Variants in INO80D observed in about 807,000 individuals in gnomAD.
INO80D encodes INO80 complex subunit D.
INO80D carries 21 observed loss-of-function variants against 87.6 expected under a neutral mutation model. The ratio of observed to expected loss-of-function variants is 0.24; its 90% CI spans 0.17 to 0.35. The LOEUF is 0.35. Among genes scored for constraint, INO80D ranks in the 10% least tolerant of loss-of-function variants. The pLI, the probability that INO80D is intolerant of heterozygous loss-of-function variation, is 1.00. For synonymous variants in INO80D, 440 were observed against 491.0 expected, an observed-to-expected ratio of 0.90 and a Z score of 1.37; for missense variants, 982 against 1,280.7, an observed-to-expected ratio of 0.77 and a Z score of 3.56.
intron 4 of INO80D, among the ~76,000 whole-genome samples, chr2:206,055,299 A>G (rs1689484484): frequency 6.6e-6 from 1 of 152,248 alleles, no homozygotes; most frequent in Admixed American, 6.5e-5. Context: ...AACATAGAAT[A>G]TCTGTATAAA....
chr2:206,017,235 T>C (rs947577178), intron 8 of INO80D, among the ~76,000 whole-genome samples: 2 of 152,224 alleles, frequency 1.3e-5, no homozygotes, highest in African/African-American at 2.4e-5. Flanking sequence ...AACTGCTTGA[T>C]GGATGAAAAC....
At chr2:206,048,515 G>C (rs1173757882) in intron 4 of INO80D, among the ~76,000 whole-genome samples, 1 of 152,148 alleles carries the variant, frequency 6.6e-6, no homozygotes, top group Non-Finnish European at 1.5e-5. Flanking sequence ...TTACATGCAT[G>C]AGCCACTGTG....
At chr2:206,083,755 T>C (rs1025493041) in intron 1 of INO80D, among the ~76,000 whole-genome samples, 2 of 147,576 alleles carry the variant, frequency 1.4e-5, no homozygotes, top group Admixed American at 1.4e-4. Context: ...ACAACAGTGC[T>C]GGGGGTACTG....
intron 1 of INO80D, among the ~76,000 whole-genome samples, chr2:206,079,031 C>T (rs1477039092): frequency 6.6e-6 from 1 of 151,816 alleles, no homozygotes; most frequent in African/African-American, 2.4e-5. Flanking sequence ...AATCAGAAAC[C>T]ATCACAAAAA....
rs1031015664 is a variant in INO80D at position 205,997,930 on chromosome 2, T to C, written c.*6438A>G. 41 of 152,190 alleles carry C rather than the reference T, an allele frequency of 2.7e-4. No homozygotes were observed. Among genetic ancestry groups the C allele is most frequent in the Admixed American group, 2.6e-3 (39 of 15,280 alleles). The allele number at this position is 152,190 out of a possible 1,614,324, so 9.4% of individuals were successfully genotyped here. A position where few individuals can be genotyped will look rare whatever the true frequency, so the allele number is the denominator to read the frequency against. On this transcript the variant is annotated 3_prime_UTR_variant, in exon 11 of 11. Transcript: ENST00000403263. Reference sequence around the variant, plus strand: ...ATATCTCTCACACACGTGCCCCCAATGTATATTTTTGCATGTGTGTAAAAA... The same window carrying C: ...ATATCTCTCACACACGTGCCCCCAACGTATATTTTTGCATGTGTGTAAAAA...
intron 8 of INO80D, among the ~76,000 whole-genome samples, chr2:206,011,195 G>A (rs528382329): frequency 9.2e-4 from 140 of 152,198 alleles, no homozygotes; most frequent in African/African-American, 3.2e-3. Context: ...ATGCGCAAGG[G>A]CCAGTACCCG....
chr2:206,030,291 T>C (rs1224267492), intron 5 of INO80D, among the ~76,000 whole-genome samples: 1 of 152,080 alleles, frequency 6.6e-6, no homozygotes, highest in East Asian at 1.9e-4. Context: ...CGCAAAACCC[T>C]GTCTCTACTA....
chr2:206,036,343 G>A (rs1268650583), intron 5 of INO80D, among the ~76,000 whole-genome samples: 2 of 152,136 alleles, frequency 1.3e-5, no homozygotes, highest in Non-Finnish European at 1.5e-5. Flanking sequence ...CAACCCAAAT[G>A]CCCATCAGTC....
At chr2:206,030,608 G>A (rs1688737224) in intron 5 of INO80D, among the ~76,000 whole-genome samples, 1 of 152,154 alleles carries the variant, frequency 6.6e-6, no homozygotes, top group Non-Finnish European at 1.5e-5. Context: ...ATGGTGAACA[G>A]CAAGAATGTA....
At chr2:206,025,884 A>G (rs1688602639) in intron 6 of INO80D, among the ~76,000 whole-genome samples, 1 of 151,904 alleles carries the variant, frequency 6.6e-6, no homozygotes, top group Non-Finnish European at 1.5e-5. Flanking sequence ...TATTTCCTTA[A>G]AGTAAGATAA....
In INO80D at chr2:206,062,984, C is replaced by T. The variant is rs371097185; in HGVS notation, c.33G>A (p.Glu11=). 1.9e-5 allele frequency: 30 copies of T among 1,612,680 alleles called. No individual in the cohort carries two copies. The African/African-American group carries it at 3.2e-4, about 17-fold the overall frequency. Residue 11 remains glutamate (E), a synonymous_variant, in exon 3 of 11, where the codon GAG becomes GAA. Coordinates refer to ENST00000403263, the MANE Select transcript of INO80D (RefSeq NM_017759.5). The surrounding 1 kb of genome is among the most constrained non-coding windows in gnomAD (Gnocchi z 4.6). ...ATGAGCACAAGGGCTTATTGTCAACCTCAGAGAAGTGTATATGTTTCCCTT... is the reference window on the plus strand; with the variant it reads ...ATGAGCACAAGGGCTTATTGTCAACTTCAGAGAAGTGTATATGTTTCCCTT... The part of the protein sequence containing the change: MYEGKHIHFS[E]VDNKPLCSYS...
chr2:206,079,933 T>G (rs1433449725), intron 1 of INO80D, among the ~76,000 whole-genome samples: 1 of 152,192 alleles, frequency 6.6e-6, no homozygotes, highest in African/African-American at 2.4e-5. Context: ...AGGTCACACC[T>G]TATGGAATGC....
In INO80D at chr2:205,995,049, C is replaced by T. The variant is rs546957180; in HGVS notation, c.*9319G>A. Reference sequence around the variant, plus strand: ...TTCCCTGCAGCATGGGAGTAGTTAACTTCCCCCAGGCAAAATGATCTCAAT... The same window carrying T: ...TTCCCTGCAGCATGGGAGTAGTTAATTTCCCCCAGGCAAAATGATCTCAAT... On this transcript the variant is annotated 3_prime_UTR_variant, in exon 11 of 11. Coordinates refer to ENST00000403263, the MANE Select transcript of INO80D (RefSeq NM_017759.5). The T allele has an allele frequency of 2.0e-5, 3 of 152,246 alleles. No homozygotes were observed. Among genetic ancestry groups the T allele is most frequent in the South Asian group, 4.1e-4 (2 of 4,822 alleles). The allele number at this position is 152,246 out of a possible 1,614,324, so 9.4% of individuals were successfully genotyped here. A position where few individuals can be genotyped will look rare whatever the true frequency, so the allele number is the denominator to read the frequency against.
chr2:206,007,309 G>A lies in INO80D; in HGVS notation c.1893C>T (p.Asp631=). The part of the protein sequence containing the change: ...FSDVLPRLPD[D]LQDFDFFEGK... ...CTTCAAAAAAATCAAAATCTTGTAA[G>A]TCATCAGGTAGCCGTGGCAGGACAT... Residue 631 remains aspartate, a synonymous_variant, in exon 10 of 11, where the codon GAC becomes GAT. Transcript: ENST00000403263. 1 of 1,613,354 alleles carries A rather than the reference G, an allele frequency of 6.2e-7. No homozygotes were observed. The highest frequency in any genetic ancestry group is 8.5e-7 in the Non-Finnish European group (1 of 1,179,736).
intron 1 of INO80D, among the ~76,000 whole-genome samples, chr2:206,076,915 C>T (rs1490729684): frequency 2.0e-5 from 3 of 152,028 alleles, no homozygotes; most frequent in African/African-American, 7.2e-5. Flanking sequence ...ATTGAGTTGC[C>T]TAGGATAATT....
chr2:206,080,027 A>G (rs997001306), intron 1 of INO80D, among the ~76,000 whole-genome samples: 2 of 152,244 alleles, frequency 1.3e-5, no homozygotes, highest in Non-Finnish European at 2.9e-5. Context: ...AGGCCAGAAT[A>G]GAAGAATATT....
At chr2:206,011,657 T>A (rs1167272457) in intron 8 of INO80D, among the ~76,000 whole-genome samples, 1 of 152,122 alleles carries the variant, frequency 6.6e-6, no homozygotes, top group African/African-American at 2.4e-5. Flanking sequence ...GCAGCTGGAG[T>A]CTCTTACCAA....
intron 5 of INO80D, among the ~76,000 whole-genome samples, chr2:206,028,879 G>C (rs1346655576): frequency 1.3e-5 from 2 of 150,072 alleles, no homozygotes. Flanking sequence ...ATGTATTTTT[G>C]TTTTGTTTTT....
chr2:206,042,065 A>G (rs1483865331), intron 5 of INO80D, among the ~76,000 whole-genome samples: 3 of 152,132 alleles, frequency 2.0e-5, no homozygotes, highest in African/African-American at 7.2e-5. Flanking sequence ...CAGGAGGTCA[A>G]GGCTGCAGTT....
Sources: allele counts gnomAD v4.1 joint callset (sites outside exome capture counted in the v4.1 genomes callset), GRCh38; gene constraint gnomAD v4.1.1; non-coding constraint Gnocchi (gnomAD v3.1); transcripts MANE v1.5; gene names NCBI Gene and HGNC (gene_info 2026-07-23, HGNC 2026-07-21).